HNF4G: variants seen among roughly 807,000 people sequenced by gnomAD.
HNF4G encodes the protein hepatocyte nuclear factor 4 gamma.
In HNF4G, 21 loss-of-function variants were observed where a neutral mutation model predicts 50.9. The observed-to-expected ratio is 0.41, with a 90% CI of 0.29 to 0.59. The LOEUF is 0.59. Among genes scored for constraint, HNF4G ranks in the 20% least tolerant of loss-of-function variants. HNF4G has a pLI of 0.26. For missense variants in HNF4G, 527 were observed against 559.4 expected (o/e 0.94, Z 0.58); for synonymous variants, 198 against 185.6 (o/e 1.07, Z -0.54).
At chr8:75,457,506 AC>A (rs1208378926) in intron 1 of HNF4G, among the ~76,000 whole-genome samples, 14 of 152,186 alleles carry the variant, frequency 9.2e-5, no homozygotes, top group African/African-American at 3.4e-4. Context: ...ACAGCAAGTA[AC>A]ATGGTATCAT....
At chr8:75,527,441 C>G (rs2943583) in intron 2 of HNF4G, among the ~76,000 whole-genome samples, 63,955 of 151,972 alleles carry the variant, frequency 0.42, 13,846 homozygotes, top group Middle Eastern at 0.59. Flanking sequence ...TAGGAGCAGT[C>G]GTTCAGTATT....
At chr8:75,544,316 T>G (rs368341468) in intron 2 of HNF4G, among the ~76,000 whole-genome samples, 3 of 152,204 alleles carry the variant, frequency 2.0e-5, no homozygotes, top group African/African-American at 7.2e-5. Flanking sequence ...CCATTTCATG[T>G]TATCTTTTCC....
In HNF4G at chr8:75,508,929, G is replaced by T. The variant is rs77378496; in HGVS notation, c.-24+18721G>T. Reference sequence around the variant, plus strand: ...GTTTTGAGTGAATGATGTCACGAATGAATTTTAGAAAATTCAATTTTACTG... The same window carrying T: ...GTTTTGAGTGAATGATGTCACGAATTAATTTTAGAAAATTCAATTTTACTG... On this transcript the variant is annotated intron_variant, in intron 2 of 10. Coordinates refer to the HNF4G transcript ENST00000354370. 7.7e-3 allele frequency among the ~76,000 whole-genome samples: 1,172 copies of T among 152,302 alleles called. 15 individuals carry two copies. The highest frequency in any genetic ancestry group is 0.027 in the African/African-American group (1,114 of 41,562).
chr8:75,561,501 A>G (rs1379234664), intron 9 of HNF4G, among the ~76,000 whole-genome samples: 1 of 152,184 alleles, frequency 6.6e-6, no homozygotes, highest in Non-Finnish European at 1.5e-5. Flanking sequence ...CAACACAGCC[A>G]CCGTATGCAG....
In HNF4G at chr8:75,484,710, CTG is replaced by C. The variant is rs1812457795; in HGVS notation, c.-143-5375_-143-5374del. ...ACTATCAGCTTCACTGAAGCAGTAA[CTG>C]TGTCCTTGTTTACTCAATGCCTGCC... On this transcript the variant is annotated intron_variant, in intron 1 of 10. Coordinates refer to the HNF4G transcript ENST00000354370. Among the ~76,000 whole-genome samples, 10 of 152,342 alleles carry C rather than the reference CTG, an allele frequency of 6.6e-5. No individual in the cohort carries two copies. In the South Asian group the frequency reaches 2.1e-3, roughly 32 times the overall value.
chr8:75,485,319 A>G (rs953388268), intron 1 of HNF4G, among the ~76,000 whole-genome samples: 3 of 152,202 alleles, frequency 2.0e-5, no homozygotes, highest in Non-Finnish European at 4.4e-5. Context: ...ATCAAATTCC[A>G]AAGAGTTTCC....
At chr8:75,494,299 AGCACACACACACACACACACACAC>A (rs1340934706) in intron 2 of HNF4G, among the ~76,000 whole-genome samples, 8 of 137,042 alleles carry the variant, frequency 5.8e-5, no homozygotes, top group African/African-American at 1.8e-4. Context: ...TCTCCCATAC[AGCACACACACACACACACACACAC>A]ACACACACAC....
chr8:75,541,625 G>A (rs1282168530), intron 1 of HNF4G, among the ~76,000 whole-genome samples: 1 of 151,862 alleles, frequency 6.6e-6, no homozygotes, highest in East Asian at 1.9e-4. Context: ...ACAACCTTTA[G>A]TATTATCCTT....
chr8:75,530,014 A>T (rs1806287757), intron 2 of HNF4G, among the ~76,000 whole-genome samples: 1 of 152,140 alleles, frequency 6.6e-6, no homozygotes, highest in Non-Finnish European at 1.5e-5. Flanking sequence ...TGCAGAGGCT[A>T]CTGTTCCCTG....
intron 2 of HNF4G, among the ~76,000 whole-genome samples, chr8:75,500,026 A>C (rs1300318931): frequency 6.6e-6 from 1 of 152,166 alleles, no homozygotes; most frequent in Non-Finnish European, 1.5e-5. Flanking sequence ...AAAATAAATT[A>C]GACTTCACCA....
At chr8:75,523,473 A>G (rs1242566603) in intron 2 of HNF4G, among the ~76,000 whole-genome samples, 2 of 152,120 alleles carry the variant, frequency 1.3e-5, no homozygotes, top group Non-Finnish European at 1.5e-5. Flanking sequence ...TGCATTTCCC[A>G]GTCATACACA....
intron 9 of HNF4G, among the ~76,000 whole-genome samples, chr8:75,563,512 AT>A (rs1337348981): frequency 1.3e-5 from 2 of 151,850 alleles, no homozygotes; most frequent in Admixed American, 1.3e-4. Flanking sequence ...CTTAACCTTA[AT>A]TTTTTATGTC....
At chr8:75,552,639 A>G (rs1585950665) in intron 4 of HNF4G, among the ~76,000 whole-genome samples, 1 of 152,258 alleles carries the variant, frequency 6.6e-6, no homozygotes, top group South Asian at 2.1e-4. Flanking sequence ...ACTTCCACAA[A>G]TTAAAGAAAA....
At chr8:75,514,354 C>CTTTTTTTTTTTTTTTTT (rs36078375) in intron 2 of HNF4G, among the ~76,000 whole-genome samples, 1 of 125,036 alleles carries the variant, frequency 8.0e-6, no homozygotes, top group African/African-American at 3.1e-5. Flanking sequence ...TTTCTTCTTT[C>CTTTTTTTTTTTTTTTTT]TTTTTTTTTT....
intron 8 of HNF4G, among the ~76,000 whole-genome samples, chr8:75,559,801 G>A (rs958600038): frequency 1.3e-5 from 2 of 151,948 alleles, no homozygotes; most frequent in African/African-American, 2.4e-5. Flanking sequence ...TGAACATTGT[G>A]CTCCTGAAAT....
At chr8:75,440,763 G>T (rs1811260627) in intron 1 of HNF4G, among the ~76,000 whole-genome samples, 1 of 151,954 alleles carries the variant, frequency 6.6e-6, no homozygotes, top group South Asian at 2.1e-4. Context: ...TTAAAAGTAG[G>T]CTTAATTTTA....
chr8:75,463,058 G>GTTTTTT (rs1219575361), intron 1 of HNF4G, among the ~76,000 whole-genome samples: 14 of 131,026 alleles, frequency 1.1e-4, no homozygotes, highest in African/African-American at 4.0e-4. Flanking sequence ...ATGTCTGCTT[G>GTTTTTT]TTTTTTTGTT....
intron 1 of HNF4G, among the ~76,000 whole-genome samples, chr8:75,413,540 C>T (rs1284319050): frequency 6.6e-6 from 1 of 152,070 alleles, no homozygotes; most frequent in African/African-American, 2.4e-5. Context: ...CAACTCTTTC[C>T]TAAAGTTCTC....
At chr8:75,563,153 T>C (rs1309288921) in intron 9 of HNF4G, among the ~76,000 whole-genome samples, 1 of 152,136 alleles carries the variant, frequency 6.6e-6, no homozygotes, top group African/African-American at 2.4e-5. Flanking sequence ...GTTAGTTCTG[T>C]TTACTATGTG....
Sources: gnomAD v4.1 joint callset for allele counts (sites outside exome capture counted in the v4.1 genomes callset) on GRCh38, gnomAD v4.1.1 for gene constraint, MANE v1.5 for transcripts, NCBI Gene and HGNC (gene_info 2026-07-23, HGNC 2026-07-21) for gene names.